Variants in HDGF observed in about 807,000 individuals in gnomAD.
HDGF encodes the protein heparin binding growth factor.
A neutral mutation model predicts 30.0 loss-of-function variants in HDGF; 5 were observed. The observed-to-expected ratio is 0.17, with a 90% confidence interval of 0.09 to 0.35. The LOEUF is 0.35. Ranked by LOEUF, HDGF falls within the 10% of genes least tolerant of loss-of-function variation. HDGF has a pLI of 1.00. For missense variants in HDGF, 214 were observed against 302.8 expected (o/e 0.71, Z 2.18); for synonymous variants, 133 against 112.7 (o/e 1.18, Z -1.14).
chr1:156,745,192 T>G (rs1571543383), intron 2 of HDGF, 46 bp from the exon 3 acceptor site: 3 of 1,613,204 alleles, frequency 1.9e-6, no homozygotes, highest in Non-Finnish European at 2.5e-6. Context: ...TCACTGCCCC[T>G]GAGCTGCACA....
chr1:156,755,773 C>G (rs766191309), upstream of HDGF: 1 of 152,188 alleles, frequency 6.6e-6, no homozygotes, highest in African/African-American at 2.4e-5. Flanking sequence ...AGCAGCCCTG[C>G]CTTTGTGCAT....
At chr1:156,748,669 A>AAGAGAACTG (rs1426386082) in intron 1 of HDGF, among the ~76,000 whole-genome samples, 20 of 152,214 alleles carry the variant, frequency 1.3e-4, no homozygotes, top group Non-Finnish European at 2.4e-4. Flanking sequence ...AGAGTGGGGA[A>AAGAGAACTG]AGAGAACTGA....
At chr1:156,756,317 A>C (rs1440094721), upstream of HDGF, among the ~76,000 whole-genome samples, 1 of 152,226 alleles carries the variant, frequency 6.6e-6, no homozygotes, top group Non-Finnish European at 1.5e-5. Context: ...AGTGCTTAAT[A>C]AAATTGGTTA....
At chr1:156,760,654 C>A (rs1361557674) in intron 1 of HDGF, among the ~76,000 whole-genome samples, 1 of 152,104 alleles carries the variant, frequency 6.6e-6, no homozygotes, top group Admixed American at 6.6e-5. Context: ...CTGAAGATGA[C>A]AATGACAGGT....
intron 1 of HDGF, among the ~76,000 whole-genome samples, chr1:156,745,676 A>G (rs1200566181): frequency 6.6e-6 from 1 of 152,096 alleles, no homozygotes; most frequent in African/African-American, 2.4e-5. Context: ...TCCATTCTCC[A>G]CAATCTATTC....
At position 156,751,219 on chromosome 1, in the gene HDGF, G is replaced by C; in HGVS notation, c.87+124C>G. The C allele has an allele frequency of 8.1e-7, 1 of 1,235,206 alleles. No individual in the cohort carries two copies. 76.5% of individuals were successfully genotyped at this position (1,235,206 alleles called of 1,614,324 possible). A position where few individuals can be genotyped will look rare whatever the true frequency, so the allele number is the denominator to read the frequency against. On this transcript the variant is annotated intron_variant, in intron 1 of 5. Transcript: ENST00000357325. This position sits in a 1 kb window ranked among gnomAD's most constrained non-coding sequence, Gnocchi z 4.7. ...TGGGCTTGGAAGCGACAGAGAAAGA[G>C]CCGGAGACCTACAAGCCCCCTGCCC...
upstream of HDGF, chr1:156,751,971 G>T: frequency 6.9e-7 from 1 of 1,448,534 alleles, no homozygotes; most frequent in Non-Finnish European, 9.4e-7. This position sits in a 1 kb window ranked among gnomAD's most constrained non-coding sequence, Gnocchi z 4.7. Context: ...CCGCCCGCCC[G>T]GGAGGAGCTG....
At chr1:156,755,063 G>C (rs2102735226), upstream of HDGF, among the ~76,000 whole-genome samples, 1 of 152,306 alleles carries the variant, frequency 6.6e-6, no homozygotes, top group African/African-American at 2.4e-5. Flanking sequence ...TCAGTAGTAA[G>C]GGTCTAAAAC....
chr1:156,760,652 G>A (rs2102739992), intron 1 of HDGF, among the ~76,000 whole-genome samples: 1 of 152,272 alleles, frequency 6.6e-6, no homozygotes, highest in East Asian at 1.9e-4. Flanking sequence ...TACTGAAGAT[G>A]ACAATGACAG....
chr1:156,744,623 C>A, intron 3 of HDGF: 4 of 1,282,422 alleles, frequency 3.1e-6, no homozygotes, highest in Non-Finnish European at 4.2e-6. Context: ...GAGCTAGGAC[C>A]CTTTCCCCGC....
At chr1:156,744,398 G>A (rs1650366640) in intron 3 of HDGF, 50 bp from the exon 4 acceptor site, 2 of 1,605,280 alleles carry the variant, frequency 1.2e-6, no homozygotes, top group Non-Finnish European at 8.5e-7. Context: ...TGCCATGCTG[G>A]GCCCCCTCCC....
Position 156,742,563 on chromosome 1 carries a change from T to A in HDGF, c.*886A>T, listed in dbSNP as rs1330530682. On this transcript the variant is annotated 3_prime_UTR_variant, in exon 6 of 6. Transcript: ENST00000357325. ...ATTTTCTTTTATTAAAAACATTTCC[T>A]AAAAAATGTGTCTTTTCCTTTATGT... 1 of 152,784 alleles carries A rather than the reference T, an allele frequency of 6.5e-6. No homozygotes were observed. The highest frequency in any genetic ancestry group is 2.4e-5 in the African/African-American group (1 of 41,430). 9.5% of individuals were successfully genotyped at this position (152,784 alleles called of 1,614,324 possible).
chr1:156,761,761 C>A (rs1651252042), intron 1 of HDGF, among the ~76,000 whole-genome samples: 1 of 151,438 alleles, frequency 6.6e-6, no homozygotes, highest in Admixed American at 6.6e-5. Context: ...TCCTGGCCAA[C>A]ATGGTGAAAC....
intron 3 of HDGF, chr1:156,744,593 G>T: frequency 6.7e-7 from 1 of 1,488,508 alleles, no homozygotes; most frequent in Non-Finnish European, 8.9e-7. Context: ...GCAAAACCTC[G>T]GGTCAACTTC....
chr1:156,763,250 G>A (rs1407826196), intron 1 of HDGF, among the ~76,000 whole-genome samples: 2 of 149,040 alleles, frequency 1.3e-5, no homozygotes, highest in Non-Finnish European at 3.0e-5. Context: ...GTCTCTCTCT[G>A]TTGCCAGGCT....
At position 156,745,086 on chromosome 1, in the gene HDGF, C is replaced by T. The variant is rs760206911; in HGVS notation, c.225G>A (p.Lys75=). 13 of 1,613,912 alleles carry T rather than the reference C, an allele frequency of 8.1e-6. No homozygotes were observed. Among genetic ancestry groups the T allele is most frequent in the Non-Finnish European group, 1.1e-5 (13 of 1,180,024 alleles). Residue 75 remains lysine (K), a synonymous_variant, in exon 3 of 6, where the codon AAG becomes AAA. Transcript: ENST00000357325. ...CGCTGAACCCTTTCCTCTTGTTGGG[C>T]TTGCCAAACTTCTCCTTGGATTCCT... The part of the protein sequence containing the change: ...PYEESKEKFG[K]PNKRKGFSEG...
chr1:156,751,260 C>T lies in HDGF; in HGVS notation c.87+83G>A, dbSNP rs546207871. On this transcript the variant is annotated intron_variant, in intron 1 of 5. Coordinates refer to ENST00000357325, the MANE Select transcript of HDGF (RefSeq NM_004494.3). The surrounding 1 kb of genome is among the most constrained non-coding windows in gnomAD (Gnocchi z 4.7). Reference sequence around the variant, plus strand: ...CCCCCTGCCCCCACCTCTGCCCGCTCCGCGCGGAGCGCTCGTGCCCTTCCC... The same window carrying T: ...CCCCCTGCCCCCACCTCTGCCCGCTTCGCGCGGAGCGCTCGTGCCCTTCCC... 8 of 1,490,946 alleles carry T rather than the reference C, an allele frequency of 5.4e-6. No individual in the cohort carries two copies. In the South Asian group the frequency reaches 9.9e-5, roughly 19 times the overall value. 92.4% of individuals were successfully genotyped at this position (1,490,946 alleles called of 1,614,324 possible).
upstream of HDGF, chr1:156,752,350 C>T: frequency 6.4e-7 from 1 of 1,551,704 alleles, no homozygotes; most frequent in Non-Finnish European, 8.7e-7. Flanking sequence ...AAATTGGCCA[C>T]CTTCCGGGTG....
In HDGF at chr1:156,744,165, C is replaced by G. The variant is rs369865214; in HGVS notation, c.487G>C (p.Glu163Gln). 7.4e-6 allele frequency: 12 copies of G among 1,613,816 alleles called. No homozygotes were observed. Among genetic ancestry groups the G allele is most frequent in the Non-Finnish European group, 1.0e-5 (12 of 1,179,810 alleles). ...GGCCCTGGGCAGGCAGCAGTTACCTCCAGCAAGTCCCCTGCTCTCCTCTTC... is the reference window on the plus strand; with the variant it reads ...GGCCCTGGGCAGGCAGCAGTTACCTGCAGCAAGTCCCCTGCTCTCCTCTTC... ...ALKRRAGDLL[E>Q]DSPKRPKEAE... The change falls in exon 4 of 6, where the codon GAG becomes CAG. Residue 163 changes from glutamate (E) to glutamine (Q), a missense_variant and splice_region_variant. Glu to Gln is a conservative substitution (Grantham distance 29). Around this residue, in one of 2 missense-constraint regions of HDGF, gnomAD observed 176 missense variants for 211.7 expected, o/e 0.83. Coordinates refer to ENST00000357325, the MANE Select transcript of HDGF (RefSeq NM_004494.3).
Sources: allele counts gnomAD v4.1 joint callset (sites outside exome capture counted in the v4.1 genomes callset), GRCh38; gene constraint gnomAD v4.1.1; regional missense constraint gnomAD v4.1.1; non-coding constraint Gnocchi (gnomAD v3.1); transcripts MANE v1.5; gene names NCBI Gene and HGNC (gene_info 2026-07-23, HGNC 2026-07-21).